STPG1: variants seen among roughly 807,000 people sequenced by gnomAD.
STPG1 encodes O(6)-methylguanine-induced apoptosis 2.
In STPG1, 33 loss-of-function variants were observed where a neutral mutation model predicts 40.1. The observed-to-expected ratio is 0.82, with a 90% CI of 0.62 to 1.10. The LOEUF (loss-of-function observed/expected upper bound fraction) is 1.10. Among genes scored for constraint, STPG1 ranks in the 50% least tolerant of loss-of-function variants. The probability of loss-of-function intolerance (pLI) is 0.00; values close to 1 mark genes in which losing one functional copy is unlikely to be tolerated. For synonymous variants in STPG1, 150 were observed against 155.0 expected (o/e 0.97, Z 0.24); for missense variants, 396 against 415.1 (o/e 0.95, Z 0.40).
chr1:24,383,845 A>G (rs1031767867), intron 4 of STPG1, 57 bp downstream of exon 4: 5 of 1,103,770 alleles, frequency 4.5e-6, no homozygotes, highest in Admixed American at 1.7e-5. Context: ...TAATTATGCA[A>G]TGAATGAAGG....
chr1:24,407,443 A>ATTTT (rs71029547), intron 1 of STPG1, among the ~76,000 whole-genome samples: 3 of 130,958 alleles, frequency 2.3e-5, no homozygotes, highest in Admixed American at 7.7e-5. Context: ...AAGTTCACTG[A>ATTTT]TTTTTTTTTT....
intron 6 of STPG1, among the ~76,000 whole-genome samples, chr1:24,370,553 G>A (rs1362398174): frequency 4.0e-5 from 6 of 151,894 alleles, no homozygotes; most frequent in South Asian, 4.1e-4. Context: ...GTGCAGTGGC[G>A]TGATCTCAGC....
intron 3 of STPG1, among the ~76,000 whole-genome samples, chr1:24,389,221 G>A (rs1642645098): frequency 6.6e-6 from 1 of 152,126 alleles, no homozygotes; most frequent in African/African-American, 2.4e-5. Context: ...AACTTGACAA[G>A]TGAGCCGGCT....
intron 5 of STPG1, among the ~76,000 whole-genome samples, chr1:24,378,840 C>G (rs144058360): frequency 6.6e-6 from 1 of 152,016 alleles, no homozygotes; most frequent in Non-Finnish European, 1.5e-5. Flanking sequence ...TTATGGTAAC[C>G]CTGTAGGGCA....
chr1:24,407,625 A>G (rs1176475993), intron 1 of STPG1, among the ~76,000 whole-genome samples: 1 of 151,878 alleles, frequency 6.6e-6, no homozygotes, highest in Non-Finnish European at 1.5e-5. Flanking sequence ...TTTAGTAGAC[A>G]CGGGGTTTCA....
intron 5 of STPG1, among the ~76,000 whole-genome samples, chr1:24,374,207 G>T (rs1176180470): frequency 6.6e-6 from 1 of 151,374 alleles, no homozygotes; most frequent in African/African-American, 2.4e-5. Flanking sequence ...CTGTCAGGGA[G>T]TGGGGGTGGC....
chr1:24,394,620 T>C (rs1471750102), intron 2 of STPG1, among the ~76,000 whole-genome samples: 3 of 152,166 alleles, frequency 2.0e-5, no homozygotes, highest in East Asian at 1.9e-4. Context: ...ACATATTAAG[T>C]AGATATGGAA....
chr1:24,388,026 T>C (rs2148702661), intron 3 of STPG1, among the ~76,000 whole-genome samples: 1 of 152,366 alleles, frequency 6.6e-6, no homozygotes, highest in South Asian at 2.1e-4. Flanking sequence ...TACTATGTAA[T>C]GGTATTAACA....
chr1:24,411,114 G>A (rs530034353), intron 1 of STPG1, among the ~76,000 whole-genome samples: 1 of 152,264 alleles, frequency 6.6e-6, no homozygotes, highest in Non-Finnish European at 1.5e-5. Context: ...TACGCACAGG[G>A]ATATCGTATT....
chr1:24,382,254 G>A (rs559162526), intron 4 of STPG1, among the ~76,000 whole-genome samples: 8 of 152,344 alleles, frequency 5.3e-5, no homozygotes, highest in African/African-American at 1.9e-4. Flanking sequence ...TTGGCACCAA[G>A]AAGGAATGGG....
At position 24,410,271 on chromosome 1, in the gene STPG1, T is replaced by C. The variant is rs545358701; in HGVS notation, c.-69+3403A>G. ...CTATAATAATAATGTATGTACACTG[T>C]CAACATTTAAGAAAATATGATAAAT... is the stretch of plus-strand genomic sequence containing the variant. On this transcript the variant is annotated intron_variant, in intron 1 of 8. Transcript: ENST00000337248. 2.6e-4 allele frequency among the ~76,000 whole-genome samples: 40 copies of C among 152,286 alleles called. 1 individual carries two copies. In the South Asian group the frequency reaches 6.8e-3, roughly 26 times the overall value.
chr1:24,404,029 G>A (rs981351040), intron 1 of STPG1, among the ~76,000 whole-genome samples: 9 of 152,160 alleles, frequency 5.9e-5, no homozygotes, highest in Non-Finnish European at 8.8e-5. Flanking sequence ...TTACTGGCTC[G>A]AGTGGGAAAG....
At chr1:24,364,247 C>T (rs1158230326) in intron 7 of STPG1, 3 of 1,548,530 alleles carry the variant, frequency 1.9e-6, no homozygotes, top group Non-Finnish European at 2.6e-6. Flanking sequence ...CTTGAATGTT[C>T]CCATCCTGTG....
intron 4 of STPG1, among the ~76,000 whole-genome samples, chr1:24,380,523 C>CA (rs1311827807): frequency 6.6e-6 from 1 of 152,110 alleles, no homozygotes; most frequent in African/African-American, 2.4e-5. Flanking sequence ...TCTGATAAAA[C>CA]AAAAAATTTC....
intron 5 of STPG1, among the ~76,000 whole-genome samples, chr1:24,375,315 A>T (rs1021050078): frequency 6.6e-6 from 1 of 152,102 alleles, no homozygotes; most frequent in Admixed American, 6.6e-5. Flanking sequence ...ATTGCTGGGG[A>T]TATTTGCTGA....
intron 5 of STPG1, 60 bp downstream of exon 5, chr1:24,379,592 CT>C (rs758143911): frequency 1.9e-6 from 3 of 1,572,852 alleles, no homozygotes; most frequent in South Asian, 1.1e-5. Flanking sequence ...TCCCCTCTTC[CT>C]TTTATTTTAG....
intron 6 of STPG1, among the ~76,000 whole-genome samples, chr1:24,371,619 T>A (rs924657475): frequency 2.7e-5 from 4 of 150,862 alleles, no homozygotes; most frequent in African/African-American, 9.8e-5. Flanking sequence ...GTTCCCAGTA[T>A]ATGCTTAAAT....
chr1:24,362,224 G>A (rs1265820035), intron 7 of STPG1, among the ~76,000 whole-genome samples: 1 of 152,210 alleles, frequency 6.6e-6, no homozygotes, highest in Non-Finnish European at 1.5e-5. Context: ...GAGAGCTTGA[G>A]GGGACCCAAG....
At chr1:24,414,562 GT>G (rs1469989697), upstream of STPG1, 1 of 134,026 alleles carries the variant, frequency 7.5e-6, no homozygotes, top group Non-Finnish European at 1.6e-5. Context: ...TTTTGACAGG[GT>G]CTTGCTCTGT....
Sources: gnomAD v4.1 joint callset for allele counts (sites outside exome capture counted in the v4.1 genomes callset) on GRCh38, gnomAD v4.1.1 for gene constraint, MANE v1.5 for transcripts, NCBI Gene and HGNC (gene_info 2026-07-23, HGNC 2026-07-21) for gene names.